The following IGSF21 variants were observed in gnomAD, a reference collection of about 807,000 sequenced individuals.
The protein encoded by IGSF21 is immunoglobulin superfamily member 21.
In IGSF21, 28 loss-of-function variants were observed where a neutral mutation model predicts 46.8. That is an observed-to-expected ratio of 0.60 (90% confidence interval 0.44 to 0.82). IGSF21 has a LOEUF of 0.82. Among genes scored for constraint, IGSF21 ranks in the 40% least tolerant of loss-of-function variants. The pLI, the probability that IGSF21 is intolerant of heterozygous loss-of-function variation, is 0.00. For synonymous variants in IGSF21, 284 were observed against 273.6 expected, an observed-to-expected ratio of 1.04 and a Z score of -0.38; for missense variants, 624 against 665.5, an observed-to-expected ratio of 0.94 and a Z score of 0.69.
At chr1:18,318,820 G>C (rs1241931166) in intron 3 of IGSF21, among the ~76,000 whole-genome samples, 1 of 152,050 alleles carries the variant, frequency 6.6e-6, no homozygotes, top group Non-Finnish European at 1.5e-5. Flanking sequence ...ACAAATTATT[G>C]AAAACCAGGA....
At chr1:18,257,357 G>T (rs2084901909) in intron 2 of IGSF21, among the ~76,000 whole-genome samples, 1 of 152,248 alleles carries the variant, frequency 6.6e-6, no homozygotes, top group South Asian at 2.1e-4. Context: ...ATTAATAGTG[G>T]AGAGAATGCA....
intron 1 of IGSF21, among the ~76,000 whole-genome samples, chr1:18,191,027 C>T (rs985139834): frequency 6.7e-6 from 1 of 148,568 alleles, no homozygotes; most frequent in African/African-American, 2.5e-5. Context: ...TCTTCTCTTC[C>T]CTGCAGGGAG....
At chr1:18,159,965 G>C (rs1419044151) in intron 1 of IGSF21, among the ~76,000 whole-genome samples, 1 of 152,196 alleles carries the variant, frequency 6.6e-6, no homozygotes, top group East Asian at 1.9e-4. Flanking sequence ...ACAGGCGTGA[G>C]CCACCTTGCC....
At chr1:18,280,183 C>A (rs1374224732) in intron 2 of IGSF21, among the ~76,000 whole-genome samples, 2 of 152,132 alleles carry the variant, frequency 1.3e-5, no homozygotes, top group Non-Finnish European at 1.5e-5. Context: ...GGGCCAGAAC[C>A]TCACACACAG....
chr1:18,182,940 A>G lies in IGSF21; in HGVS notation c.71-44958A>G, dbSNP rs186547571. Among the ~76,000 whole-genome samples the G allele has an allele frequency of 8.5e-5, 13 of 152,238 alleles. No homozygotes were observed. In the East Asian group the frequency reaches 2.5e-3, roughly 29 times the overall value. ...CTGATGAATCACACGAGGCCTGGTG[A>G]CACAGCATCATCACTCTCCTTATCC... On this transcript the variant is annotated intron_variant, in intron 1 of 9. Coordinates refer to ENST00000251296, the MANE Select transcript of IGSF21 (RefSeq NM_032880.5).
intron 3 of IGSF21, among the ~76,000 whole-genome samples, chr1:18,320,982 C>T (rs922016258): frequency 1.3e-5 from 2 of 152,264 alleles, no homozygotes; most frequent in African/African-American, 4.8e-5. Flanking sequence ...TAGGCCAAGT[C>T]AGCTCAGAGC....
chr1:18,281,324 C>G (rs1006396606), intron 2 of IGSF21, among the ~76,000 whole-genome samples: 2 of 151,908 alleles, frequency 1.3e-5, no homozygotes, highest in African/African-American at 4.8e-5. Flanking sequence ...CTTTGGGAGG[C>G]GAGGTGGGTG....
chr1:18,129,371 C>T (rs945219059), intron 1 of IGSF21, among the ~76,000 whole-genome samples: 1 of 152,080 alleles, frequency 6.6e-6, no homozygotes, highest in African/African-American at 2.4e-5. Flanking sequence ...CAGAGGGGGA[C>T]CCTTCCAGTC....
intron 4 of IGSF21, among the ~76,000 whole-genome samples, chr1:18,355,275 C>T (rs1001272993): frequency 1.6e-4 from 25 of 152,128 alleles, no homozygotes; most frequent in African/African-American, 5.6e-4. Flanking sequence ...TCAAAGGCCA[C>T]GGAATGATTT....
At chr1:18,327,483 A>C (rs889890908) in intron 3 of IGSF21, among the ~76,000 whole-genome samples, 26 of 152,162 alleles carry the variant, frequency 1.7e-4, no homozygotes, top group African/African-American at 6.0e-4. Flanking sequence ...ATGAAGAGAG[A>C]GCCATCCAGG....
rs143673510 is a variant in IGSF21 at position 18,320,231 on chromosome 1, C to T, written c.306-14661C>T. Among the ~76,000 whole-genome samples, 346 of 152,256 alleles carry T rather than the reference C, an allele frequency of 2.3e-3. 5 individuals are homozygous for T. Among genetic ancestry groups the T allele is most frequent in the Non-Finnish European group, 5.9e-4 (40 of 68,012 alleles). ...TCCAGGCATTTTAATTTTGTTTTGA[C>T]AAAGGGGCTGATAGGAGAAGCTGGC... On this transcript the variant is annotated intron_variant, in intron 3 of 9. Coordinates refer to ENST00000251296, the MANE Select transcript of IGSF21 (RefSeq NM_032880.5).
intron 3 of IGSF21, among the ~76,000 whole-genome samples, chr1:18,306,169 C>T (rs1432369180): frequency 6.6e-6 from 1 of 152,188 alleles, no homozygotes; most frequent in Non-Finnish European, 1.5e-5. Context: ...ACCCTGTATG[C>T]TCGGCCCCAT....
chr1:18,239,897 A>G (rs1273444064), intron 2 of IGSF21, among the ~76,000 whole-genome samples: 3 of 152,160 alleles, frequency 2.0e-5, no homozygotes, highest in Non-Finnish European at 4.4e-5. Flanking sequence ...GACTCAACAC[A>G]CTGGACTCAT....
At chr1:18,298,159 G>A (rs2085328857) in intron 3 of IGSF21, among the ~76,000 whole-genome samples, 1 of 152,160 alleles carries the variant, frequency 6.6e-6, no homozygotes, top group Non-Finnish European at 1.5e-5. Flanking sequence ...TGAATGGGGA[G>A]GTCAGCTGAC....
chr1:18,366,168 G>A lies in IGSF21; in HGVS notation c.1015+471G>A, dbSNP rs1482601548. On this transcript the variant is annotated intron_variant, in intron 6 of 9. Coordinates refer to ENST00000251296, the MANE Select transcript of IGSF21 (RefSeq NM_032880.5). ...CATGAGAGGTCAGGGAGTTTGTACA[G>A]TCCAGATAAAAAAGATGGAAAGTCA... is the stretch of plus-strand genomic sequence containing the variant. Among the ~76,000 whole-genome samples the A allele has an allele frequency of 2.6e-5, 4 of 152,140 alleles. No individual in the cohort carries two copies. In the East Asian group the frequency reaches 7.7e-4, roughly 29 times the overall value.
chr1:18,190,850 T>G (rs1355314166), intron 1 of IGSF21, among the ~76,000 whole-genome samples: 1 of 152,192 alleles, frequency 6.6e-6, no homozygotes, highest in African/African-American at 2.4e-5. Flanking sequence ...CCGGGTGATC[T>G]TGGCCTGTGA....
At chr1:18,360,173 G>C (rs150963721) in intron 4 of IGSF21, among the ~76,000 whole-genome samples, 7 of 152,156 alleles carry the variant, frequency 4.6e-5, no homozygotes, top group Admixed American at 4.6e-4. Context: ...GTTTTGGAAA[G>C]GTTAGATTGC....
chr1:18,210,627 G>C (rs931946947), intron 1 of IGSF21, among the ~76,000 whole-genome samples: 34 of 152,048 alleles, frequency 2.2e-4, no homozygotes, highest in South Asian at 4.1e-4. Context: ...TTTATTGCAG[G>C]GTGTCTCAGC....
chr1:18,265,223 C>T (rs1222215748), intron 2 of IGSF21, among the ~76,000 whole-genome samples: 7 of 152,102 alleles, frequency 4.6e-5, no homozygotes, highest in South Asian at 2.1e-4. Context: ...CATCCAAATG[C>T]GTCACTGCAG....
Sources: allele counts gnomAD v4.1 joint callset (sites outside exome capture counted in the v4.1 genomes callset), GRCh38; gene constraint gnomAD v4.1.1; transcripts MANE v1.5; gene names NCBI Gene and HGNC (gene_info 2026-07-23, HGNC 2026-07-21).